The following WDR70 variants were observed in gnomAD, a reference collection of about 807,000 sequenced individuals.
The protein encoded by WDR70 is WD repeat-containing protein 70.
Under a neutral mutation model 88.6 loss-of-function variants are expected in WDR70, and 53 were observed. The ratio of observed to expected loss-of-function variants is 0.60; its 90% CI spans 0.48 to 0.75. The LOEUF (loss-of-function observed/expected upper bound fraction) is 0.75, where lower values mean the gene tolerates loss of function less well. Ranked by LOEUF, WDR70 falls within the 30% of genes least tolerant of loss-of-function variation. The pLI is 0.00. For synonymous variants in WDR70, 280 were observed against 270.0 expected (o/e 1.04, Z -0.36); for missense variants, 610 against 823.2 (o/e 0.74, Z 3.17).
At chr5:37,617,846 C>T (rs1744388451) in intron 10 of WDR70, among the ~76,000 whole-genome samples, 1 of 152,054 alleles carries the variant, frequency 6.6e-6, no homozygotes, top group South Asian at 2.1e-4. Flanking sequence ...ATATACACTG[C>T]CTAGATGCAT....
intron 10 of WDR70, among the ~76,000 whole-genome samples, chr5:37,680,552 A>G (rs915859335): frequency 3.3e-5 from 5 of 152,198 alleles, no homozygotes; most frequent in African/African-American, 1.2e-4. Flanking sequence ...TAAGTCTTCA[A>G]TCCATCTTGT....
At chr5:37,700,256 TAA>T (rs1747116480) in intron 11 of WDR70, 1 of 152,218 alleles carries the variant, frequency 6.6e-6, no homozygotes, top group Non-Finnish European at 1.5e-5. Flanking sequence ...ATTATGTATA[TAA>T]GTTTGGCTTT....
chr5:37,461,587 C>T (rs1025212914), intron 7 of WDR70, among the ~76,000 whole-genome samples: 9 of 151,918 alleles, frequency 5.9e-5, no homozygotes, highest in African/African-American at 2.2e-4. Context: ...GGGTTCACGC[C>T]GTTCTCCTGC....
chr5:37,694,720 T>G (rs1746927875), intron 10 of WDR70, among the ~76,000 whole-genome samples: 1 of 151,758 alleles, frequency 6.6e-6, no homozygotes, highest in Non-Finnish European at 1.5e-5. Flanking sequence ...GGGGGAGGGA[T>G]AGCATTAGGA....
chr5:37,405,677 C>T (rs1380466951), intron 5 of WDR70, among the ~76,000 whole-genome samples: 1 of 151,890 alleles, frequency 6.6e-6, no homozygotes, highest in Non-Finnish European at 1.5e-5. Flanking sequence ...CCAAAGGAAA[C>T]AATATTGAAC....
At chr5:37,748,311 C>G (rs1748694060) in intron 17 of WDR70, among the ~76,000 whole-genome samples, 1 of 152,126 alleles carries the variant, frequency 6.6e-6, no homozygotes, top group Admixed American at 6.5e-5. Context: ...GAAACCTACA[C>G]ATCTACAACC....
chr5:37,614,083 T>C (rs1744262787), intron 10 of WDR70, among the ~76,000 whole-genome samples: 1 of 152,220 alleles, frequency 6.6e-6, no homozygotes, highest in Non-Finnish European at 1.5e-5. Flanking sequence ...CAGAAATGTA[T>C]TATCTTACAA....
chr5:37,427,566 A>G (rs1278583833), intron 5 of WDR70, among the ~76,000 whole-genome samples: 1 of 151,860 alleles, frequency 6.6e-6, no homozygotes, highest in Admixed American at 6.6e-5. Flanking sequence ...TCAGTATGTA[A>G]CTGTTCAGGA....
intron 10 of WDR70, among the ~76,000 whole-genome samples, chr5:37,671,338 A>G (rs1746018505): frequency 6.6e-6 from 1 of 152,188 alleles, no homozygotes; most frequent in Non-Finnish European, 1.5e-5. Context: ...TGATAGACTT[A>G]ATAAACCTGT....
At chr5:37,455,416 A>G (rs560426444) in intron 7 of WDR70, among the ~76,000 whole-genome samples, 1 of 151,290 alleles carries the variant, frequency 6.6e-6, no homozygotes, top group African/African-American at 2.4e-5. Context: ...TAATTTTTGT[A>G]TTTTTAGTAG....
chr5:37,606,034 G>C (rs1040522191), intron 10 of WDR70, among the ~76,000 whole-genome samples: 1 of 152,072 alleles, frequency 6.6e-6, no homozygotes. Context: ...TATAAACTAG[G>C]CACTGTTCTA....
At chr5:37,719,352 C>T (rs935186078) in intron 13 of WDR70, among the ~76,000 whole-genome samples, 2 of 142,892 alleles carry the variant, frequency 1.4e-5, no homozygotes, top group Non-Finnish European at 3.0e-5. Context: ...AACAACAACC[C>T]CCCCCCCAAA....
intron 10 of WDR70, among the ~76,000 whole-genome samples, chr5:37,652,699 G>A (rs936387591): frequency 2.0e-5 from 3 of 152,106 alleles, no homozygotes; most frequent in East Asian, 1.9e-4. Context: ...TCTCTTTGAA[G>A]CAATTGTGAA....
chr5:37,430,807 TGCC>T (rs1750279136), intron 5 of WDR70, among the ~76,000 whole-genome samples: 1 of 152,062 alleles, frequency 6.6e-6, no homozygotes, highest in Non-Finnish European at 1.5e-5. Context: ...GTGATCCACC[TGCC>T]TCGGCCTCCC....
chr5:37,735,760 A>C (rs1310784949), intron 17 of WDR70, among the ~76,000 whole-genome samples: 1 of 152,174 alleles, frequency 6.6e-6, no homozygotes, highest in Non-Finnish European at 1.5e-5. Context: ...GTAATTGAGA[A>C]TGTGTGTCTG....
At chr5:37,666,960 C>T (rs566011803) in intron 10 of WDR70, among the ~76,000 whole-genome samples, 3 of 152,056 alleles carry the variant, frequency 2.0e-5, no homozygotes, top group Non-Finnish European at 4.4e-5. Context: ...GCACTTAGGA[C>T]AATATCTAGC....
chr5:37,488,194 T>G (rs1739954153), intron 8 of WDR70, among the ~76,000 whole-genome samples: 1 of 151,222 alleles, frequency 6.6e-6, no homozygotes, highest in African/African-American at 2.4e-5. Flanking sequence ...GTCTTATATG[T>G]GACTAGACTT....
intron 5 of WDR70, among the ~76,000 whole-genome samples, chr5:37,404,540 G>C (rs1363001254): frequency 6.6e-6 from 1 of 152,076 alleles, no homozygotes; most frequent in Non-Finnish European, 1.5e-5. Flanking sequence ...TTTTGAAGAT[G>C]GCATGGCAGA....
chr5:37,525,450 T>C (rs1741236251), intron 9 of WDR70, among the ~76,000 whole-genome samples: 1 of 152,150 alleles, frequency 6.6e-6, no homozygotes, highest in African/African-American at 2.4e-5. Flanking sequence ...AGACACAACA[T>C]ACCAGAATCT....
Sources: allele counts gnomAD v4.1 joint callset (sites outside exome capture counted in the v4.1 genomes callset), GRCh38; gene constraint gnomAD v4.1.1; transcripts MANE v1.5; gene names NCBI Gene and HGNC (gene_info 2026-07-23, HGNC 2026-07-21).